Variants in CARD8 observed in about 807,000 individuals in gnomAD.
CARD8 encodes the protein caspase recruitment domain family member 8, also known as caspase recruitment domain-containing protein 8.
A neutral mutation model predicts 53.2 loss-of-function variants in CARD8; 38 were observed. The ratio of observed to expected loss-of-function variants is 0.71; its 90% CI spans 0.55 to 0.94. The LOEUF is 0.94. CARD8 is among the 40% of genes least tolerant of loss of function. The pLI, the probability that CARD8 is intolerant of heterozygous loss-of-function variation, is 0.00. For synonymous variants in CARD8, 245 were observed against 244.9 expected (o/e 1.00, Z 0.00); for missense variants, 561 against 655.5 (o/e 0.86, Z 1.57).
At chr19:48,240,522 A>C (rs1176050175) in intron 4 of CARD8, among the ~76,000 whole-genome samples, 1 of 152,028 alleles carries the variant, frequency 6.6e-6, no homozygotes, top group African/African-American at 2.4e-5. Context: ...TAATCCCAGC[A>C]CTTTGGGAGG....
intron 10 of CARD8, among the ~76,000 whole-genome samples, chr19:48,229,017 T>C (rs1162190801): frequency 2.0e-5 from 3 of 152,078 alleles, no homozygotes; most frequent in Non-Finnish European, 4.4e-5. Context: ...CACACATCCG[T>C]AATCCCAGCT....
intron 4 of CARD8, among the ~76,000 whole-genome samples, chr19:48,239,554 CA>C (rs1320052535): frequency 1.3e-5 from 2 of 149,596 alleles, no homozygotes; most frequent in Non-Finnish European, 3.0e-5. Context: ...TGGCTCACTG[CA>C]ACCTCCACCT....
chr19:48,219,901 A>G (rs1176240046), intron 11 of CARD8, among the ~76,000 whole-genome samples: 1 of 152,056 alleles, frequency 6.6e-6, no homozygotes, highest in Non-Finnish European at 1.5e-5. Flanking sequence ...AACCCAGGGA[A>G]AGAAGGTTGC....
chr19:48,208,773 C>T lies in CARD8; in HGVS notation c.*2937G>A, dbSNP rs1330714865. The T allele has an allele frequency of 1.3e-5, 2 of 151,378 alleles. No individual in the cohort carries two copies. The highest frequency in any genetic ancestry group is 6.6e-5 in the Admixed American group (1 of 15,178). The allele number at this position is 151,378 out of a possible 1,614,324, so 9.4% of individuals were successfully genotyped here. A position where few individuals can be genotyped will look rare whatever the true frequency, so the allele number is the denominator to read the frequency against. On this transcript the variant is annotated 3_prime_UTR_variant, in exon 14 of 14. Coordinates refer to ENST00000651546, the MANE Select transcript of CARD8 (RefSeq NM_001184900.3). ...CGGGTGGATCATGAGGTCAGGAGAT[C>T]AAGACCATCCTGGCCAAAATGGTGA...
chr19:48,237,872 C>T (rs2044205606), intron 5 of CARD8, among the ~76,000 whole-genome samples: 1 of 151,932 alleles, frequency 6.6e-6, no homozygotes, highest in Non-Finnish European at 1.5e-5. Flanking sequence ...CCTTCTCTCC[C>T]AACTACTTTA....
At chr19:48,239,828 T>C (rs893176156) in intron 4 of CARD8, among the ~76,000 whole-genome samples, 13 of 152,078 alleles carry the variant, frequency 8.5e-5, no homozygotes, top group Non-Finnish European at 1.6e-4. Context: ...ACAATATAAA[T>C]GTATTTGTCA....
At chr19:48,253,520 C>T (rs1380228452) in intron 1 of CARD8, among the ~76,000 whole-genome samples, 1 of 152,078 alleles carries the variant, frequency 6.6e-6, no homozygotes, top group Non-Finnish European at 1.5e-5. Context: ...ATATGAATGT[C>T]AGACAAATTA....
At chr19:48,224,318 A>G (rs2041301801) in intron 10 of CARD8, among the ~76,000 whole-genome samples, 1 of 152,218 alleles carries the variant, frequency 6.6e-6, no homozygotes, top group African/African-American at 2.4e-5. Flanking sequence ...AATGGCTTTT[A>G]GTAATGTATT....
intron 10 of CARD8, among the ~76,000 whole-genome samples, chr19:48,228,246 A>G (rs756724755): frequency 1.3e-5 from 2 of 152,230 alleles, no homozygotes; most frequent in Non-Finnish European, 2.9e-5. Context: ...TAATTATTTC[A>G]TCATATATTA....
intron 6 of CARD8, chr19:48,233,499 C>A: frequency 2.4e-6 from 1 of 421,152 alleles, no homozygotes. Context: ...GGGCTGACAT[C>A]CTAAGACTGG....
chr19:48,228,664 C>T (rs1014993750), intron 10 of CARD8, among the ~76,000 whole-genome samples: 2 of 152,054 alleles, frequency 1.3e-5, no homozygotes, highest in African/African-American at 4.8e-5. Context: ...GGAGGGAGAG[C>T]AGTCAAGGAC....
chr19:48,245,023 A>G (rs1477812068), intron 3 of CARD8, among the ~76,000 whole-genome samples: 1 of 152,234 alleles, frequency 6.6e-6, no homozygotes, highest in Non-Finnish European at 1.5e-5. Context: ...GAAAATACCA[A>G]GACCTTCCCT....
intron 10 of CARD8, among the ~76,000 whole-genome samples, chr19:48,222,261 T>C (rs898990754): frequency 2.0e-5 from 3 of 152,320 alleles, no homozygotes; most frequent in South Asian, 2.1e-4. Flanking sequence ...AACACGTCTA[T>C]GATGGACAAG....
At chr19:48,236,777 T>C (rs2043968608) in intron 5 of CARD8, among the ~76,000 whole-genome samples, 1 of 152,018 alleles carries the variant, frequency 6.6e-6, no homozygotes, top group South Asian at 2.1e-4. Flanking sequence ...TCTGGTTTTT[T>C]TGTTTTTTGT....
At position 48,215,397 on chromosome 19, in the gene CARD8, G is replaced by A. The variant is rs1405339516; in HGVS notation, c.1304-13C>T. ...AGCTGGAGATCCACTACAAAAGAGG[G>A]AAAAATTATATGATGAGATGAGATA... On this transcript the variant is annotated splice_polypyrimidine_tract_variant and intron_variant, in intron 12 of 13. Coordinates refer to ENST00000651546, the MANE Select transcript of CARD8 (RefSeq NM_001184900.3). The A allele has an allele frequency of 6.3e-7, 1 of 1,594,436 alleles. No individual in the cohort carries two copies. The highest frequency in any genetic ancestry group is 8.6e-7 in the Non-Finnish European group (1 of 1,162,674).
intron 10 of CARD8, among the ~76,000 whole-genome samples, chr19:48,223,045 T>C (rs986065488): frequency 2.0e-5 from 3 of 152,168 alleles, no homozygotes; most frequent in Non-Finnish European, 4.4e-5. Context: ...GGCTTATGCC[T>C]GTAATCCCAG....
chr19:48,232,563 G>T (rs2043111669), intron 6 of CARD8, 70 bp from the exon 7 acceptor site: 3 of 1,342,686 alleles, frequency 2.2e-6, no homozygotes, highest in Non-Finnish European at 2.1e-6. Flanking sequence ...AGATGAAGAC[G>T]ATGTTATTGA....
chr19:48,227,952 G>A (rs1050350485), intron 10 of CARD8, among the ~76,000 whole-genome samples: 1 of 140,834 alleles, frequency 7.1e-6, no homozygotes, highest in Non-Finnish European at 1.5e-5. Flanking sequence ...CACAGCAGGA[G>A]AGGAGCAGTG....
chr19:48,230,724 T>A (rs1438730170), intron 9 of CARD8, 24 bp from the exon 10 acceptor site: 1 of 1,612,970 alleles, frequency 6.2e-7, no homozygotes, highest in South Asian at 1.1e-5. Context: ...ACAACAGCAG[T>A]GAGACGGCAC....
Sources: allele counts gnomAD v4.1 joint callset (sites outside exome capture counted in the v4.1 genomes callset), GRCh38; gene constraint gnomAD v4.1.1; transcripts MANE v1.5; gene names NCBI Gene and HGNC (gene_info 2026-07-23, HGNC 2026-07-21).